Variants in LRTM2 observed in about 807,000 individuals in gnomAD.
The protein encoded by LRTM2 is leucine-rich repeat and transmembrane domain-containing protein 2.
Under a neutral mutation model 28.1 loss-of-function variants are expected in LRTM2, and 18 were observed. The observed-to-expected ratio is 0.64, with a 90% CI of 0.44 to 0.95. The LOEUF is 0.95. Among genes scored for constraint, LRTM2 ranks in the 40% least tolerant of loss-of-function variants. The probability of loss-of-function intolerance (pLI) is 0.00; values close to 1 mark genes in which losing one functional copy is unlikely to be tolerated. For synonymous variants in LRTM2, 250 were observed against 218.7 expected (o/e 1.14, Z -1.26); for missense variants, 436 against 497.2 (o/e 0.88, Z 1.17).
Position 1,835,397 on chromosome 12 carries a change from CG to C in LRTM2, c.*678del, listed in dbSNP as rs560173776. 3.5e-3 allele frequency: 527 copies of C among 152,512 alleles called. 4 individuals carry two copies. Among genetic ancestry groups the C allele is most frequent in the Non-Finnish European group, 4.6e-3 (314 of 68,258 alleles). 9.4% of individuals were successfully genotyped at this position (152,512 alleles called of 1,614,324 possible). On this transcript the variant is annotated 3_prime_UTR_variant, in exon 5 of 5. Coordinates refer to ENST00000299194, the MANE Select transcript of LRTM2 (RefSeq NM_001039029.3). Reference sequence around the variant, plus strand: ...TCACACACCCATTGCATCACCAGTGCGGTCACATGGATTGAAAGAATTAATA... The same window carrying C: ...TCACACACCCATTGCATCACCAGTGCGTCACATGGATTGAAAGAATTAATA...
chr12:1,826,025 G>A (rs78755035), intron 1 of LRTM2, among the ~76,000 whole-genome samples: 4 of 152,146 alleles, frequency 2.6e-5, no homozygotes, highest in Non-Finnish European at 5.9e-5. Flanking sequence ...CCGTAGGTGT[G>A]GGGCAGAAAT....
chr12:1,826,488 C>T (rs369728295), intron 1 of LRTM2, among the ~76,000 whole-genome samples: 1 of 151,618 alleles, frequency 6.6e-6, no homozygotes, highest in East Asian at 2.0e-4. Flanking sequence ...CAGCACCACG[C>T]TCAGGGGCTC....
At chr12:1,831,666 G>A (rs1411464946) in intron 4 of LRTM2, 141 bp downstream of exon 4, 23 of 696,476 alleles carry the variant, frequency 3.3e-5, no homozygotes, top group Non-Finnish European at 4.7e-5. Context: ...GTGCCAGCTC[G>A]GCTAGAAAAG....
rs772848392 is a variant in LRTM2 at position 1,831,102 on chromosome 12, A to G, written c.235A>G (p.Lys79Glu). The change falls in exon 4 of 5, where the codon AAG becomes GAG. Residue 79 changes from lysine (K) to glutamate (E), a missense_variant. Lys to Glu is a moderately conservative substitution (Grantham distance 56). Coordinates refer to ENST00000299194, the MANE Select transcript of LRTM2 (RefSeq NM_001039029.3). The stretch of plus-strand genomic sequence containing the variant: ...CCGAACCCTCTTGCTCTTGAACAAT[A>G]AGCTGAGTGCCCTGCCAAGCTGGGC... ...ATRTLLLLNNKLSALPSWAFA... is the reference protein window; with the variant it reads ...ATRTLLLLNNELSALPSWAFA... 3.1e-6 allele frequency: 5 copies of G among 1,614,016 alleles called. No individual in the cohort carries two copies. In the East Asian group the frequency reaches 6.7e-5, roughly 22 times the overall value.
At chr12:1,824,220 G>C (rs1057406661) in intron 1 of LRTM2, among the ~76,000 whole-genome samples, 1 of 152,142 alleles carries the variant, frequency 6.6e-6, no homozygotes, top group African/African-American at 2.4e-5. Context: ...AGAGGTGCCC[G>C]GCCTAGTCGT....
intron 1 of LRTM2, among the ~76,000 whole-genome samples, chr12:1,825,421 G>C (rs1220720083): frequency 6.6e-6 from 1 of 152,220 alleles, no homozygotes; most frequent in Admixed American, 6.5e-5. Context: ...CCTGGGCAGA[G>C]GAGGTGTCTT....
In LRTM2 at chr12:1,828,168, G is replaced by A. The variant is rs1864437983; in HGVS notation, c.20G>A (p.Ser7Asn). Residue 7 changes from serine (S) to asparagine (N), a missense_variant, in exon 3 of 5, where the codon AGC becomes AAC. Coordinates refer to ENST00000299194, the MANE Select transcript of LRTM2 (RefSeq NM_001039029.3). The surrounding 1 kb of genome is among the most constrained non-coding windows in gnomAD (Gnocchi z 4.2). ...CTCACCATGCTGGCGCCGGGCAGCAGCCCTGGGCAGAGGGGCAGGCTCGCC... is the reference window on the plus strand; with the variant it reads ...CTCACCATGCTGGCGCCGGGCAGCAACCCTGGGCAGAGGGGCAGGCTCGCC... MLAPGS[S>N]PGQRGRLALQ... The A allele has an allele frequency of 1.9e-6, 3 of 1,545,982 alleles. No individual in the cohort carries two copies. In the East Asian group the frequency reaches 7.4e-5, roughly 38 times the overall value.
chr12:1,823,399 C>T (rs1462124317), intron 1 of LRTM2: 1 of 152,064 alleles, frequency 6.6e-6, no homozygotes, highest in Non-Finnish European at 1.5e-5. Context: ...ACCTAGCTCT[C>T]TGCAGTGAGT....
chr12:1,834,769 G>T lies in LRTM2; in HGVS notation c.*48G>T. 1 of 1,528,866 alleles carries T rather than the reference G, an allele frequency of 6.5e-7. No individual in the cohort carries two copies. Among genetic ancestry groups the T allele is most frequent in the Non-Finnish European group, 8.8e-7 (1 of 1,141,438 alleles). The allele number at this position is 1,528,866 out of a possible 1,614,324, so 94.7% of individuals were successfully genotyped here. On this transcript the variant is annotated 3_prime_UTR_variant, in exon 5 of 5. Transcript: ENST00000299194. The surrounding 1 kb of genome is among the most constrained non-coding windows in gnomAD (Gnocchi z 7.6). Reference sequence around the variant, plus strand: ...GTAGGAAGGGCGGGGAGAGCACACGGCATTGCTCAGCCACAGCTCCCACCT... The same window carrying T: ...GTAGGAAGGGCGGGGAGAGCACACGTCATTGCTCAGCCACAGCTCCCACCT...
At chr12:1,830,333 C>T (rs1864565359) in intron 3 of LRTM2, among the ~76,000 whole-genome samples, 1 of 152,214 alleles carries the variant, frequency 6.6e-6, no homozygotes, top group Non-Finnish European at 1.5e-5. Flanking sequence ...TTGATGGAAA[C>T]ATAACAGCAC....
At position 1,828,147 on chromosome 12, in the gene LRTM2, C is replaced by T; in HGVS notation, c.-2C>T. 6.5e-7 allele frequency: 1 copy of T among 1,540,628 alleles called. No homozygotes were observed. Among genetic ancestry groups the T allele is most frequent in the East Asian group, 2.5e-5 (1 of 40,424 alleles). ...AGGGCCCGGAGAGCCGTGGGCCTCA[C>T]CATGCTGGCGCCGGGCAGCAGCCCT... is the stretch of plus-strand genomic sequence containing the variant. On this transcript the variant is annotated 5_prime_UTR_variant, in exon 3 of 5. Transcript: ENST00000299194. This position sits in a 1 kb window ranked among gnomAD's most constrained non-coding sequence, Gnocchi z 4.2.
In LRTM2 at chr12:1,829,213, C is replaced by T. The variant is rs1442973702; in HGVS notation, c.67+998C>T. ...CTTCCGCAGCGGCTCTCTTAGCCTG[C>T]TGTCAGGCCCTTCTCTGGGAGGGGC... is the stretch of plus-strand genomic sequence containing the variant. On this transcript the variant is annotated intron_variant, in intron 3 of 4. Coordinates refer to ENST00000299194, the MANE Select transcript of LRTM2 (RefSeq NM_001039029.3). This position sits in a 1 kb window ranked among gnomAD's most constrained non-coding sequence, Gnocchi z 4.2. 6.6e-6 allele frequency among the ~76,000 whole-genome samples: 1 copy of T among 152,220 alleles called. No homozygotes were observed. Among genetic ancestry groups the T allele is most frequent in the South Asian group, 2.1e-4 (1 of 4,830 alleles).
Position 1,828,252 on chromosome 12 carries a change from T to C in LRTM2, c.67+37T>C. On this transcript the variant is annotated intron_variant, in intron 3 of 4. Coordinates refer to ENST00000299194, the MANE Select transcript of LRTM2 (RefSeq NM_001039029.3). The surrounding 1 kb of genome is among the most constrained non-coding windows in gnomAD (Gnocchi z 4.2). The stretch of plus-strand genomic sequence containing the variant: ...CCTGGCCTCGGAGGGGGGTGCGGGT[T>C]GGGTGGGGGTGCCGAGGTGACTGTA... The C allele has an allele frequency of 1.3e-6, 2 of 1,492,236 alleles. No homozygotes were observed. Among genetic ancestry groups the C allele is most frequent in the Middle Eastern group, 3.5e-4 (2 of 5,760 alleles). The allele number at this position is 1,492,236 out of a possible 1,614,324, so 92.4% of individuals were successfully genotyped here.
rs1592678109 is a variant in LRTM2, at chr12:1,823,542, G to A, written c.-259+2728G>A. Reference sequence around the variant, plus strand: ...ATGTGGAACCCCCTGCTCCTACTGGGGCCTCCTGCTCCCCCATGGCCTCCC... The same window carrying A: ...ATGTGGAACCCCCTGCTCCTACTGGAGCCTCCTGCTCCCCCATGGCCTCCC... On this transcript the variant is annotated intron_variant, in intron 1 of 4. Transcript: ENST00000299194. Among the ~76,000 whole-genome samples the A allele has an allele frequency of 2.0e-5, 3 of 152,104 alleles. No homozygotes were observed. In the East Asian group the frequency reaches 5.8e-4, roughly 29 times the overall value.
Position 1,834,646 on chromosome 12 carries a change from C to T in LRTM2, c.1038C>T (p.Leu346=). 6.2e-7 allele frequency: 1 copy of T among 1,600,760 alleles called. No individual in the cohort carries two copies. Among genetic ancestry groups the T allele is most frequent in the Non-Finnish European group, 8.5e-7 (1 of 1,179,820 alleles). Residue 346 remains leucine (L), a synonymous_variant, in exon 5 of 5, where the codon CTC becomes CTT. Coordinates refer to ENST00000299194, the MANE Select transcript of LRTM2 (RefSeq NM_001039029.3). This position sits in a 1 kb window ranked among gnomAD's most constrained non-coding sequence, Gnocchi z 7.6. ...TCATGGCCAAGTACCACCGGGAGCT[C>T]AAAAAGCGCCAGCCCCTGATGGGGG... The part of the protein sequence containing the change: ...ASLMAKYHRE[L]KKRQPLMGDP...
intron 1 of LRTM2, among the ~76,000 whole-genome samples, chr12:1,824,022 T>A (rs1225409527): frequency 2.0e-5 from 3 of 152,172 alleles, no homozygotes; most frequent in Non-Finnish European, 4.4e-5. Flanking sequence ...TGCCTCAGTT[T>A]CCCCCATCTG....
Position 1,829,719 on chromosome 12 carries a change from T to G in LRTM2, c.68-1216T>G, listed in dbSNP as rs1864532449. ...CCCACCCCGACCTGGGACAGCCAGG[T>G]CCCAGGTCCCATGTCAGGGTGGGCC... On this transcript the variant is annotated intron_variant, in intron 3 of 4. Transcript: ENST00000299194. This position sits in a 1 kb window ranked among gnomAD's most constrained non-coding sequence, Gnocchi z 4.2. Among the ~76,000 whole-genome samples, 1 of 143,550 alleles carries G rather than the reference T, an allele frequency of 7.0e-6. No homozygotes were observed. The highest frequency in any genetic ancestry group is 6.9e-5 in the Admixed American group (1 of 14,494). The allele number at this position is 143,550 out of a possible 152,430, so 94.2% of individuals were successfully genotyped here. A position where few individuals can be genotyped will look rare whatever the true frequency, so the allele number is the denominator to read the frequency against.
chr12:1,834,613 C>T lies in LRTM2; in HGVS notation c.1005C>T (p.Tyr335=), dbSNP rs750674817. Residue 335 remains tyrosine (Y), a synonymous_variant, in exon 5 of 5, where the codon TAC becomes TAT. Transcript: ENST00000299194. This position sits in a 1 kb window ranked among gnomAD's most constrained non-coding sequence, Gnocchi z 7.6. ...MVVAAAYGCI[Y]ASLMAKYHRE... The stretch of plus-strand genomic sequence containing the variant: ...TGGCCGCTGCCTATGGCTGCATCTA[C>T]GCCTCCCTCATGGCCAAGTACCACC... 4.6e-5 allele frequency: 74 copies of T among 1,599,938 alleles called. No individual in the cohort carries two copies. The highest frequency in any genetic ancestry group is 2.0e-4 in the African/African-American group (15 of 74,930).
Position 1,833,522 on chromosome 12 carries a change from A to G in LRTM2, c.659-745A>G, listed in dbSNP as rs1340705769. 6.6e-6 allele frequency among the ~76,000 whole-genome samples: 1 copy of G among 151,958 alleles called. No homozygotes were observed. Among genetic ancestry groups the G allele is most frequent in the Admixed American group, 6.6e-5 (1 of 15,266 alleles). ...CCCAGGTACCCACACCTCCTCATCAACACCAGCCTCCTCTCCTTGGCCTCG... is the reference window on the plus strand; with the variant it reads ...CCCAGGTACCCACACCTCCTCATCAGCACCAGCCTCCTCTCCTTGGCCTCG... On this transcript the variant is annotated intron_variant, in intron 4 of 4. Coordinates refer to ENST00000299194, the MANE Select transcript of LRTM2 (RefSeq NM_001039029.3). The surrounding 1 kb of genome is among the most constrained non-coding windows in gnomAD (Gnocchi z 4.2).
Sources: gnomAD v4.1 joint callset for allele counts (sites outside exome capture counted in the v4.1 genomes callset) on GRCh38, gnomAD v4.1.1 for gene constraint, Gnocchi (gnomAD v3.1) non-coding constraint, MANE v1.5 for transcripts, NCBI Gene and HGNC (gene_info 2026-07-23, HGNC 2026-07-21) for gene names.